The following HECTD4 variants were observed in gnomAD, a reference collection of about 807,000 sequenced individuals.
HECTD4 encodes the protein probable E3 ubiquitin-protein ligase HECTD4.
In HECTD4, 114 loss-of-function variants were observed where a neutral mutation model predicts 471.5. The observed-to-expected ratio is 0.24, with a 90% CI of 0.21 to 0.28. The LOEUF (loss-of-function observed/expected upper bound fraction) is 0.28, where lower values mean the gene tolerates loss of function less well. Ranked by LOEUF, HECTD4 falls within the 10% of genes least tolerant of loss-of-function variation. The pLI is 1.00. For missense variants in HECTD4, 3,866 were observed against 5,651.5 expected (o/e 0.68, Z 10.13); for synonymous variants, 2,012 against 2,256.0 (o/e 0.89, Z 3.07).
intron 72 of HECTD4, among the ~76,000 whole-genome samples, chr12:112,165,944 C>G (rs1360884193): frequency 6.6e-6 from 1 of 152,190 alleles, no homozygotes. Context: ...TAGCAACCTC[C>G]CTACCCCTTC....
intron 34 of HECTD4, 145 bp from the exon 35 acceptor site, chr12:112,237,243 A>G: frequency 1.7e-6 from 1 of 579,416 alleles, no homozygotes; most frequent in Non-Finnish European, 2.8e-6. Context: ...GATAATGTCT[A>G]CACATAAAAA....
In HECTD4 at chr12:112,163,014, T is replaced by C. The variant is rs762880130; in HGVS notation, c.13120+28A>G. The C allele has an allele frequency of 4.5e-6, 7 of 1,541,474 alleles. No individual in the cohort carries two copies. The East Asian group carries it at 1.1e-4, about 25-fold the overall frequency. ...CAGAGAAAGGCTAGTGTGTCCCTACTTGGGACATGGCCAGGGGAGGGCGGT... is the reference window on the plus strand; with the variant it reads ...CAGAGAAAGGCTAGTGTGTCCCTACCTGGGACATGGCCAGGGGAGGGCGGT... On this transcript the variant is annotated intron_variant, in intron 75 of 75. Transcript: ENST00000682272. This position sits in a 1 kb window ranked among gnomAD's most constrained non-coding sequence, Gnocchi z 8.2.
chr12:112,291,816 G>C (rs2034894118), intron 7 of HECTD4, among the ~76,000 whole-genome samples: 1 of 152,132 alleles, frequency 6.6e-6, no homozygotes, highest in East Asian at 1.9e-4. Context: ...AGCTTGCAGT[G>C]AGCCAAGATT....
At chr12:112,278,890 CT>C (rs1361293936) in intron 9 of HECTD4, among the ~76,000 whole-genome samples, 1 of 151,794 alleles carries the variant, frequency 6.6e-6, no homozygotes, top group East Asian at 1.9e-4. Flanking sequence ...AAGACTCCGT[CT>C]AAAAAAAAAG....
chr12:112,323,971 TTCCTTC>T (rs2035653322), intron 1 of HECTD4, among the ~76,000 whole-genome samples: 1 of 27,460 alleles, frequency 3.6e-5, no homozygotes, highest in Non-Finnish European at 7.1e-5. Flanking sequence ...TCTTTCTTCC[TTCCTTC>T]CTTCCTTCCT....
At chr12:112,217,670 TA>T (rs2032962607) in intron 45 of HECTD4, among the ~76,000 whole-genome samples, 1 of 152,254 alleles carries the variant, frequency 6.6e-6, no homozygotes. Context: ...ATATATTTTT[TA>T]AAAAGTGTAT....
Position 112,229,840 on chromosome 12 carries a change from T to G in HECTD4, c.6377A>C (p.Lys2126Thr). 6.2e-7 allele frequency: 1 copy of G among 1,614,032 alleles called. No individual in the cohort carries two copies. The highest frequency in any genetic ancestry group is 8.5e-7 in the Non-Finnish European group (1 of 1,179,886). The change falls in exon 41 of 76, where the codon AAA (lysine) becomes ACA (threonine). Residue 2126 changes from lysine (K) to threonine (T), a missense_variant. Coordinates refer to ENST00000682272, the MANE Select transcript of HECTD4 (RefSeq NM_001388303.1). Reference protein sequence around the residue: ...RALMYIPQLGKYAESILENGS... With the variant: ...RALMYIPQLGTYAESILENGS... ...ATTTTCCAGAATGCTTTCTGCGTAT[T>G]TCCCCAATTGTGGAATGTACATCAG...
rs1334288211 is a variant in HECTD4, at chr12:112,381,019, C to T, written c.177+933G>A. Among the ~76,000 whole-genome samples, 1 of 152,150 alleles carries T rather than the reference C, an allele frequency of 6.6e-6. No individual in the cohort carries two copies. Among genetic ancestry groups the T allele is most frequent in the African/African-American group, 2.4e-5 (1 of 41,428 alleles). Reference sequence around the variant, plus strand: ...AGTAAAAATTTGATGACACCCCATGCTACCTACACATCAAAATGTCATCCC... The same window carrying T: ...AGTAAAAATTTGATGACACCCCATGTTACCTACACATCAAAATGTCATCCC... On this transcript the variant is annotated intron_variant, in intron 1 of 75. Coordinates refer to ENST00000682272, the MANE Select transcript of HECTD4 (RefSeq NM_001388303.1). This position sits in a 1 kb window ranked among gnomAD's most constrained non-coding sequence, Gnocchi z 4.1.
chr12:112,215,913 G>A (rs1192900880), intron 48 of HECTD4, among the ~76,000 whole-genome samples: 1 of 152,182 alleles, frequency 6.6e-6, no homozygotes, highest in African/African-American at 2.4e-5. Context: ...AATTATAGGC[G>A]TGAGCCACTG....
intron 23 of HECTD4, 117 bp downstream of exon 23, chr12:112,252,307 A>G (rs374081809): frequency 3.0e-5 from 31 of 1,043,824 alleles, no homozygotes; most frequent in African/African-American, 1.7e-4. Context: ...CAACTAGAAG[A>G]GAAAGATGAA....
Position 112,239,293 on chromosome 12 carries a change from C to A in HECTD4, c.5106-57G>T. ...ACGTAACTGACCGACACTCAGGAAA[C>A]TCTCATGTGAGGTTCAAAGGGGCAT... On this transcript the variant is annotated intron_variant, in intron 33 of 75. Transcript: ENST00000682272. This position sits in a 1 kb window ranked among gnomAD's most constrained non-coding sequence, Gnocchi z 4.9. 1 of 1,490,174 alleles carries A rather than the reference C, an allele frequency of 6.7e-7. No homozygotes were observed. The highest frequency in any genetic ancestry group is 1.4e-5 in the South Asian group (1 of 73,198). The allele number at this position is 1,490,174 out of a possible 1,614,324, so 92.3% of individuals were successfully genotyped here.
chr12:112,279,037 C>A (rs574700857), intron 9 of HECTD4, among the ~76,000 whole-genome samples, 191 bp downstream of exon 9: 15 of 152,286 alleles, frequency 9.8e-5, no homozygotes, highest in Admixed American at 2.6e-4. Context: ...CAAAACTATA[C>A]TAATATGCCA....
At chr12:112,274,776 G>T in intron 10 of HECTD4, 71 bp downstream of exon 10, 1 of 919,216 alleles carries the variant, frequency 1.1e-6, no homozygotes, top group South Asian at 1.4e-5. Flanking sequence ...ACAGGGAACT[G>T]GCAAGACAGT....
intron 64 of HECTD4, among the ~76,000 whole-genome samples, chr12:112,177,375 C>CTTTTTTTTTTTTTTTTTTTTTTTTTTT (rs1170542769): frequency 7.0e-6 from 1 of 143,466 alleles, no homozygotes; most frequent in African/African-American, 2.7e-5. Flanking sequence ...TGTTATGAGG[C>CTTTTTTTTTTTTTTTTTTTTTTTTTTT]TATTTTTTTT....
chr12:112,247,609 ATTAAAAT>A, intron 27 of HECTD4, 59 bp from the exon 28 acceptor site: 2 of 726,578 alleles, frequency 2.8e-6, no homozygotes, highest in Non-Finnish European at 4.2e-6. Context: ...CTATACATAT[ATTAAAAT>A]GAACAGAAAA....
chr12:112,269,066 G>T (rs2034355704), intron 13 of HECTD4, among the ~76,000 whole-genome samples: 1 of 151,116 alleles, frequency 6.6e-6, no homozygotes. Context: ...GTAGAGACGG[G>T]GTTTCACCGT....
At chr12:112,172,463 C>T (rs1718608798) in intron 67 of HECTD4, among the ~76,000 whole-genome samples, 1 of 152,248 alleles carries the variant, frequency 6.6e-6, no homozygotes, top group South Asian at 2.1e-4. Context: ...AAAAAAGGCC[C>T]CAGACTAATT....
chr12:112,191,917 C>T (rs538211262), intron 59 of HECTD4, among the ~76,000 whole-genome samples: 1 of 152,188 alleles, frequency 6.6e-6, no homozygotes, highest in Non-Finnish European at 1.5e-5. Flanking sequence ...ACGCGTCAGT[C>T]TTTTCCTGTC....
Position 112,278,618 on chromosome 12 carries a change from C to T in HECTD4, c.1687+610G>A, listed in dbSNP as rs370454130. On this transcript the variant is annotated intron_variant, in intron 9 of 75. Transcript: ENST00000682272. ...TAGCTTTGAAATTCTATTGGCAGGG[C>T]GTGGTGGCTCATGCCTGTAATCCCA... 2.0e-3 allele frequency among the ~76,000 whole-genome samples: 308 copies of T among 152,268 alleles called. 2 individuals carry two copies. Among genetic ancestry groups the T allele is most frequent in the African/African-American group, 7.1e-3 (293 of 41,558 alleles).
Sources: allele counts gnomAD v4.1 joint callset (sites outside exome capture counted in the v4.1 genomes callset), GRCh38; gene constraint gnomAD v4.1.1; non-coding constraint Gnocchi (gnomAD v3.1); transcripts MANE v1.5; gene names NCBI Gene and HGNC (gene_info 2026-07-23, HGNC 2026-07-21).